The following RIN2 variants were observed in gnomAD, a reference collection of about 807,000 sequenced individuals.
RIN2 encodes the protein RAB5 interacting protein 2.
In RIN2, 36 loss-of-function variants were observed where a neutral mutation model predicts 78.0. The ratio of observed to expected loss-of-function variants is 0.46; its 90% CI spans 0.35 to 0.61. RIN2 has a LOEUF of 0.61. Among genes scored for constraint, RIN2 ranks in the 20% least tolerant of loss-of-function variants. RIN2 has a pLI of 0.00. For synonymous variants in RIN2, 466 were observed against 466.8 expected, an observed-to-expected ratio of 1.00 and a Z score of 0.02; for missense variants, 1,087 against 1,159.7, an observed-to-expected ratio of 0.94 and a Z score of 0.91.
chr20:19,759,204 C>G (rs947616027), intron 1 of RIN2, among the ~76,000 whole-genome samples: 1 of 152,170 alleles, frequency 6.6e-6, no homozygotes, highest in Non-Finnish European at 1.5e-5. Context: ...CAAGATCGGT[C>G]CCCTGGGCCC....
At chr20:19,794,353 C>A (rs938505045) in intron 1 of RIN2, among the ~76,000 whole-genome samples, 2 of 151,956 alleles carry the variant, frequency 1.3e-5, no homozygotes, top group Admixed American at 6.6e-5. Flanking sequence ...GTCAAGAGTT[C>A]GAGCCCAGCC....
chr20:19,795,108 T>C (rs749749668), intron 1 of RIN2, among the ~76,000 whole-genome samples: 2 of 152,190 alleles, frequency 1.3e-5, no homozygotes, highest in Non-Finnish European at 2.9e-5. Flanking sequence ...ACACATGCGG[T>C]GACACTGGCC....
In RIN2 at chr20:19,781,782, CTTT is replaced by C. The variant is rs72107329; in HGVS notation, c.-162-17827_-162-17825del. ...AAGAGCTATGAAGGAAGATTATACA[CTTT>C]TTTTTTTTTTTTCAAGAAAAGTATT... On this transcript the variant is annotated intron_variant, in intron 1 of 12. Transcript: ENST00000255006. Among the ~76,000 whole-genome samples the C allele has an allele frequency of 1.1e-4, 16 of 143,874 alleles. No individual in the cohort carries two copies. The East Asian group carries it at 2.4e-3, about 22-fold the overall frequency. The allele number at this position is 143,874 out of a possible 152,430, so 94.4% of individuals were successfully genotyped here.
chr20:19,818,362 A>G (rs1036019420), intron 2 of RIN2, among the ~76,000 whole-genome samples: 7 of 152,216 alleles, frequency 4.6e-5, no homozygotes, highest in Admixed American at 3.9e-4. Flanking sequence ...GTTAATGTTC[A>G]TGGTTGGCAA....
At chr20:19,947,798 C>A (rs1199152371) in intron 4 of RIN2, among the ~76,000 whole-genome samples, 4 of 152,224 alleles carry the variant, frequency 2.6e-5, no homozygotes, top group South Asian at 4.1e-4. Context: ...ATGGGCGGAG[C>A]CTGCCGCTCA....
intron 4 of RIN2, 123 bp from the exon 5 acceptor site, chr20:19,956,492 G>A: frequency 1.3e-6 from 1 of 784,432 alleles, no homozygotes; most frequent in South Asian, 1.6e-5. Flanking sequence ...AGATGATTAA[G>A]GGGGCGATCA....
At chr20:19,818,740 AAAAG>A (rs1345796337) in intron 2 of RIN2, among the ~76,000 whole-genome samples, 56 of 139,544 alleles carry the variant, frequency 4.0e-4, no homozygotes, top group African/African-American at 1.3e-3. Context: ...TCAAAAAAAA[AAAAG>A]AAAGAAAGAG....
At chr20:19,965,140 T>A in intron 7 of RIN2, 116 bp downstream of exon 7, 1 of 792,614 alleles carries the variant, frequency 1.3e-6, no homozygotes, top group Non-Finnish European at 2.1e-6. Flanking sequence ...GTTGGCAGAT[T>A]AAGACTGGTT....
intron 1 of RIN2, among the ~76,000 whole-genome samples, chr20:19,760,800 A>G (rs2033609594): frequency 6.6e-6 from 1 of 152,090 alleles, no homozygotes; most frequent in Non-Finnish European, 1.5e-5. Flanking sequence ...CAAGAATCCT[A>G]ATAGTTTCAG....
At chr20:19,992,426 A>G in intron 11 of RIN2, 127 bp downstream of exon 11, 1 of 906,954 alleles carries the variant, frequency 1.1e-6, no homozygotes, top group Non-Finnish European at 1.6e-6. Flanking sequence ...CATTTAGTAT[A>G]TTCACAATGT....
At chr20:19,929,465 G>A (rs1037412018) in intron 3 of RIN2, among the ~76,000 whole-genome samples, 2 of 152,120 alleles carry the variant, frequency 1.3e-5, no homozygotes, top group East Asian at 1.9e-4. Context: ...GGGTTCAAGC[G>A]ATTCTCCTCC....
intron 2 of RIN2, among the ~76,000 whole-genome samples, chr20:19,818,782 G>A (rs1390307145): frequency 6.6e-6 from 1 of 150,436 alleles, no homozygotes; most frequent in African/African-American, 2.4e-5. Context: ...AACTGGGCAT[G>A]GATTAAAAGA....
intron 7 of RIN2, 59 bp from the exon 8 acceptor site, chr20:19,970,779 A>T: frequency 7.6e-7 from 1 of 1,318,906 alleles, no homozygotes. Context: ...ATGAAAATAA[A>T]CACAAGATAG....
chr20:19,928,760 C>T (rs2040328901), intron 3 of RIN2, among the ~76,000 whole-genome samples: 1 of 152,108 alleles, frequency 6.6e-6, no homozygotes, highest in Admixed American at 6.5e-5. Flanking sequence ...GGACCCAACC[C>T]CTGACCTGCC....
chr20:19,887,001 A>G (rs1256206919), intron 2 of RIN2, among the ~76,000 whole-genome samples: 1 of 151,942 alleles, frequency 6.6e-6, no homozygotes, highest in Non-Finnish European at 1.5e-5. Flanking sequence ...ATCTTAAACC[A>G]GAACTCTTTT....
chr20:19,781,046 A>G (rs1054526149), intron 1 of RIN2, among the ~76,000 whole-genome samples: 5 of 152,228 alleles, frequency 3.3e-5, no homozygotes, highest in African/African-American at 1.2e-4. Context: ...TCTCCAGGTG[A>G]TAATGCAGGG....
intron 3 of RIN2, among the ~76,000 whole-genome samples, chr20:19,930,397 G>C (rs1568623116): frequency 6.6e-6 from 1 of 152,212 alleles, no homozygotes; most frequent in Non-Finnish European, 1.5e-5. Context: ...TTGGAGGTCT[G>C]GAGATCCAGC....
chr20:19,833,256 A>C (rs374491062), intron 2 of RIN2, among the ~76,000 whole-genome samples: 1 of 150,962 alleles, frequency 6.6e-6, no homozygotes, highest in South Asian at 2.1e-4. Flanking sequence ...TAAAACCTAT[A>C]TCTATATATA....
intron 3 of RIN2, among the ~76,000 whole-genome samples, chr20:19,902,965 C>A (rs1361636261): frequency 3.9e-5 from 6 of 151,918 alleles, no homozygotes; most frequent in Non-Finnish European, 5.9e-5. Flanking sequence ...TGGTGGCGGG[C>A]CCCTGTAGTC....
Sources: allele counts gnomAD v4.1 joint callset (sites outside exome capture counted in the v4.1 genomes callset), GRCh38; gene constraint gnomAD v4.1.1; transcripts MANE v1.5; gene names NCBI Gene and HGNC (gene_info 2026-07-23, HGNC 2026-07-21).